The following SPMIP2 variants were observed in gnomAD, a reference collection of about 807,000 sequenced individuals.
SPMIP2 encodes the protein sperm microtubule inner protein 2.
At chr4:158,940,217 T>C in the SPMIP2 span, among the ~76,000 whole-genome samples, 1 of 152,204 alleles carries the variant, frequency 6.6e-6, no homozygotes, top group Non-Finnish European at 1.5e-5. Context: ...CCTCTGTACT[T>C]GTCCAAATTT....
chr4:159,018,799 T>C, the SPMIP2 span, among the ~76,000 whole-genome samples: 1 of 152,054 alleles, frequency 6.6e-6, no homozygotes, highest in African/African-American at 2.4e-5. Flanking sequence ...TCAAGAAGAA[T>C]AGCAAATTAG....
the SPMIP2 span, among the ~76,000 whole-genome samples, chr4:159,000,450 G>A: frequency 1.3e-5 from 2 of 150,832 alleles, no homozygotes; most frequent in African/African-American, 2.4e-5. Flanking sequence ...AAATGGCATC[G>A]AATCATACAG....
chr4:159,033,288 C>CT, the SPMIP2 span, among the ~76,000 whole-genome samples: 1 of 146,206 alleles, frequency 6.8e-6, no homozygotes, highest in Non-Finnish European at 1.5e-5. Flanking sequence ...TTGCCAGGAG[C>CT]TAGGGGGAAA....
At chr4:158,924,881 CA>C in the SPMIP2 span, among the ~76,000 whole-genome samples, 16 of 152,186 alleles carry the variant, frequency 1.1e-4, no homozygotes, top group African/African-American at 3.9e-4. Flanking sequence ...TACATTAAAT[CA>C]ACCACGCATT....
the SPMIP2 span, among the ~76,000 whole-genome samples, chr4:159,055,668 C>T: frequency 4.6e-5 from 7 of 152,178 alleles, no homozygotes; most frequent in South Asian, 1.5e-3. Flanking sequence ...CAAGATTATG[C>T]CACTGCACTC....
chr4:159,048,040 T>G, the SPMIP2 span, among the ~76,000 whole-genome samples: 1 of 152,260 alleles, frequency 6.6e-6, no homozygotes, highest in Non-Finnish European at 1.5e-5. Flanking sequence ...CTTACCTTCC[T>G]TCAGAGATGA....
the SPMIP2 span, among the ~76,000 whole-genome samples, chr4:158,943,858 CTTTT>C: frequency 2.0e-5 from 2 of 101,932 alleles, no homozygotes; most frequent in Non-Finnish European, 1.8e-5. Flanking sequence ...TTGACATTTT[CTTTT>C]TTTTTTTTTT....
At chr4:158,907,082 G>T in the SPMIP2 span, 1 of 152,182 alleles carries the variant, frequency 6.6e-6, no homozygotes, top group Non-Finnish European at 1.5e-5. Flanking sequence ...AGCTAGTGAG[G>T]CATGACAGAG....
At chr4:159,026,613 TTTC>T in the SPMIP2 span, 2 of 345,252 alleles carry the variant, frequency 5.8e-6, no homozygotes, top group African/African-American at 5.0e-5. Context: ...GCTTCTTTTT[TTTC>T]ATTACTGTGT....
chr4:158,915,142 G>A, the SPMIP2 span: 1 of 1,580,566 alleles, frequency 6.3e-7, no homozygotes, highest in South Asian at 1.2e-5. Flanking sequence ...CTTTTTCTAT[G>A]ACGATTTAGA....
chr4:158,953,773 G>C, the SPMIP2 span, among the ~76,000 whole-genome samples: 1 of 152,182 alleles, frequency 6.6e-6, no homozygotes, highest in African/African-American at 2.4e-5. Context: ...AGCATGACCT[G>C]GATGTAAGAC....
At chr4:159,082,670 C>T in the SPMIP2 span, among the ~76,000 whole-genome samples, 1 of 152,088 alleles carries the variant, frequency 6.6e-6, no homozygotes, top group Non-Finnish European at 1.5e-5. Context: ...ATTACTTTTT[C>T]ACTAATGTAA....
the SPMIP2 span, among the ~76,000 whole-genome samples, chr4:159,022,945 G>T: frequency 6.6e-6 from 1 of 151,968 alleles, no homozygotes; most frequent in African/African-American, 2.4e-5. Context: ...CAGGAGAATT[G>T]CTTGAACCAG....
At chr4:159,061,145 C>T in the SPMIP2 span, among the ~76,000 whole-genome samples, 5 of 149,954 alleles carry the variant, frequency 3.3e-5, no homozygotes, top group Non-Finnish European at 7.4e-5. Flanking sequence ...TGAATACTGA[C>T]TATGGTAAAC....
At chr4:158,938,578 TC>T in the SPMIP2 span, among the ~76,000 whole-genome samples, 1 of 152,192 alleles carries the variant, frequency 6.6e-6, no homozygotes, top group Non-Finnish European at 1.5e-5. Context: ...CAGATTGCCT[TC>T]CCCAAGCTCC....
chr4:159,001,816 C>T, the SPMIP2 span, among the ~76,000 whole-genome samples: 12 of 152,292 alleles, frequency 7.9e-5, no homozygotes, highest in East Asian at 3.9e-4. Flanking sequence ...TTTGTGTGCA[C>T]GTGTCTTTAT....
At chr4:159,068,221 T>A in the SPMIP2 span, among the ~76,000 whole-genome samples, 2 of 152,208 alleles carry the variant, frequency 1.3e-5, no homozygotes, top group African/African-American at 4.8e-5. Context: ...ATATGTTTAT[T>A]GAGGCACTAT....
At chr4:159,009,363 CTG>C in the SPMIP2 span, among the ~76,000 whole-genome samples, 2 of 152,334 alleles carry the variant, frequency 1.3e-5, no homozygotes, top group East Asian at 3.9e-4. Context: ...GCTTAGCAAT[CTG>C]TCTTAACAAT....
At chr4:159,064,831 T>C in the SPMIP2 span, among the ~76,000 whole-genome samples, 3 of 152,208 alleles carry the variant, frequency 2.0e-5, no homozygotes, top group Non-Finnish European at 4.4e-5. Context: ...ACCTGTGAAG[T>C]TGTATAGATT....
Sources: allele counts gnomAD v4.1 joint callset (sites outside exome capture counted in the v4.1 genomes callset), GRCh38; gene constraint gnomAD v4.1.1; transcripts MANE v1.5; gene names NCBI Gene and HGNC (gene_info 2026-07-23, HGNC 2026-07-21).